Variants in BLTP1 observed in about 807,000 individuals in gnomAD.
The protein encoded by BLTP1 is bridge-like lipid transfer protein family member 1.
At chr4:122,249,684 C>T in the BLTP1 span, 1 of 1,613,344 alleles carries the variant, frequency 6.2e-7, no homozygotes, top group Non-Finnish European at 8.5e-7. Context: ...CCATAAAAGG[C>T]AAGCATTTTT....
chr4:122,202,793 A>G, the BLTP1 span, among the ~76,000 whole-genome samples: 1 of 152,056 alleles, frequency 6.6e-6, no homozygotes, highest in East Asian at 1.9e-4. Flanking sequence ...GAAACAGCTA[A>G]GTACACATTT....
At chr4:122,268,456 G>GT in the BLTP1 span, among the ~76,000 whole-genome samples, 1 of 152,110 alleles carries the variant, frequency 6.6e-6, no homozygotes, top group East Asian at 1.9e-4. Flanking sequence ...TTACTATGAA[G>GT]TTTTTTGTCA....
chr4:122,340,823 C>T, the BLTP1 span: 2 of 954,738 alleles, frequency 2.1e-6, no homozygotes, highest in African/African-American at 1.8e-5. Context: ...ACTCACTATT[C>T]ATTATAGAAA....
At chr4:122,318,414 TGTTATTTTCC>T in the BLTP1 span, 1 of 722,316 alleles carries the variant, frequency 1.4e-6, no homozygotes. Context: ...AGGTAGCTTG[TGTTATTTTCC>T]TATTTTAACG....
chr4:122,208,919 T>A, the BLTP1 span, among the ~76,000 whole-genome samples: 8 of 150,038 alleles, frequency 5.3e-5, no homozygotes, highest in Non-Finnish European at 1.2e-4. Flanking sequence ...CCCAGCTACT[T>A]GGTAGGATCA....
the BLTP1 span, among the ~76,000 whole-genome samples, chr4:122,323,395 A>C: frequency 6.6e-6 from 1 of 152,080 alleles, no homozygotes; most frequent in Non-Finnish European, 1.5e-5. Context: ...AAAAGGAAAA[A>C]AAAAGTAATT....
At chr4:122,185,118 A>T in the BLTP1 span, 2 of 983,328 alleles carry the variant, frequency 2.0e-6, no homozygotes, top group Non-Finnish European at 2.4e-6. Context: ...GTTTAAATCT[A>T]TATTCCTGTA....
chr4:122,180,818 CT>C, the BLTP1 span, among the ~76,000 whole-genome samples: 1 of 152,194 alleles, frequency 6.6e-6, no homozygotes, highest in African/African-American at 2.4e-5. Context: ...CTTTTAAAAA[CT>C]GCTCAGGGTT....
At chr4:122,341,412 C>A in the BLTP1 span, among the ~76,000 whole-genome samples, 1 of 152,034 alleles carries the variant, frequency 6.6e-6, no homozygotes, top group African/African-American at 2.4e-5. Context: ...TTAGCTATTT[C>A]TTGGGAGTGG....
chr4:122,208,602 A>T, the BLTP1 span: 1 of 977,932 alleles, frequency 1.0e-6, no homozygotes, highest in Non-Finnish European at 1.2e-6. Context: ...CTTAAAAAAA[A>T]TATCTGTGGA....
chr4:122,231,633 T>C, the BLTP1 span: 1 of 957,078 alleles, frequency 1.0e-6, no homozygotes, highest in Non-Finnish European at 1.2e-6. Context: ...AAAGCCATTC[T>C]TTTGCTAGTA....
the BLTP1 span, among the ~76,000 whole-genome samples, chr4:122,201,295 G>A: frequency 6.6e-6 from 1 of 152,094 alleles, no homozygotes; most frequent in African/African-American, 2.4e-5. Context: ...TAGACATTTT[G>A]CATTCTTTTC....
At chr4:122,258,787 A>C in the BLTP1 span, 1 of 1,614,052 alleles carries the variant, frequency 6.2e-7, no homozygotes, top group Non-Finnish European at 8.5e-7. Flanking sequence ...TGGAGCTGAG[A>C]TAATGAGGAA....
chr4:122,344,402 A>C, the BLTP1 span: 2 of 1,613,874 alleles, frequency 1.2e-6, no homozygotes. Context: ...TGAGGAGCCC[A>C]CTTCAGTCAC....
At chr4:122,323,273 A>G in the BLTP1 span, among the ~76,000 whole-genome samples, 158 of 152,234 alleles carry the variant, frequency 1.0e-3, no homozygotes, top group Non-Finnish European at 9.0e-4. Context: ...TACAGCTCCA[A>G]GAACAGCTGT....
the BLTP1 span, chr4:122,174,438 C>A: frequency 7.1e-7 from 1 of 1,417,200 alleles, no homozygotes; most frequent in Non-Finnish European, 9.4e-7. Flanking sequence ...ATCAGTAAGG[C>A]TGTAAGGGTA....
chr4:122,183,100 C>G, the BLTP1 span: 1 of 811,400 alleles, frequency 1.2e-6, no homozygotes, highest in African/African-American at 1.9e-5. Flanking sequence ...CTTTGGAAGG[C>G]CTAAGTGGGA....
At chr4:122,205,057 A>T in the BLTP1 span, 1 of 141,116 alleles carries the variant, frequency 7.1e-6, no homozygotes, top group Non-Finnish European at 1.6e-5. Flanking sequence ...TAGTAAGACA[A>T]GAGTTTCTAA....
At chr4:122,239,722 G>T in the BLTP1 span, 4 of 1,614,148 alleles carry the variant, frequency 2.5e-6, no homozygotes, top group Non-Finnish European at 3.4e-6. Context: ...GATGTCTCTC[G>T]AAGTGATGAG....
Sources: gnomAD v4.1 joint callset for allele counts (sites outside exome capture counted in the v4.1 genomes callset) on GRCh38, gnomAD v4.1.1 for gene constraint, MANE v1.5 for transcripts, NCBI Gene and HGNC (gene_info 2026-07-23, HGNC 2026-07-21) for gene names.